Variants in TRAPPC9 observed in about 807,000 individuals in gnomAD.
TRAPPC9 encodes trafficking protein particle complex subunit 9.
In TRAPPC9, 83 loss-of-function variants were observed where a neutral mutation model predicts 124.0. The observed-to-expected ratio is 0.67, with a 90% confidence interval of 0.56 to 0.80. TRAPPC9 has a LOEUF of 0.80. Among genes scored for constraint, TRAPPC9 ranks in the 30% least tolerant of loss-of-function variants. The probability of loss-of-function intolerance (pLI) is 0.00; values close to 1 mark genes in which losing one functional copy is unlikely to be tolerated. For synonymous variants in TRAPPC9, 638 were observed against 617.5 expected, an observed-to-expected ratio of 1.03 and a Z score of -0.49; for missense variants, 1,302 against 1,508.3, an observed-to-expected ratio of 0.86 and a Z score of 2.27.
At chr8:140,222,298 G>GT (rs1320321624) in intron 16 of TRAPPC9, among the ~76,000 whole-genome samples, 9 of 152,240 alleles carry the variant, frequency 5.9e-5, no homozygotes, top group East Asian at 1.9e-4. Flanking sequence ...TGCCATCTGG[G>GT]TTTTTTTCTT....
intron 17 of TRAPPC9, among the ~76,000 whole-genome samples, chr8:140,158,544 T>C (rs761970951): frequency 3.3e-5 from 5 of 152,228 alleles, no homozygotes; most frequent in Admixed American, 6.5e-5. Flanking sequence ...GATAACAAAT[T>C]TGTGTTGTTT....
At chr8:140,428,485 T>C (rs969955294) in intron 4 of TRAPPC9, among the ~76,000 whole-genome samples, 18 of 152,286 alleles carry the variant, frequency 1.2e-4, no homozygotes, top group African/African-American at 4.3e-4. Context: ...ACACACCAAA[T>C]GCTGGTTTCT....
intron 19 of TRAPPC9, chr8:139,916,638 T>A (rs1832152893): frequency 6.6e-6 from 1 of 152,268 alleles, no homozygotes; most frequent in South Asian, 2.1e-4. Context: ...ATTTTCATGT[T>A]TAATTTTATG....
intron 17 of TRAPPC9, among the ~76,000 whole-genome samples, chr8:140,036,383 C>T (rs1207501576): frequency 6.6e-6 from 1 of 152,048 alleles, no homozygotes; most frequent in African/African-American, 2.4e-5. Context: ...GGTCAGGCTC[C>T]GCACACGTGC....
chr8:139,856,708 C>T (rs1258265520), intron 21 of TRAPPC9, among the ~76,000 whole-genome samples: 4 of 149,816 alleles, frequency 2.7e-5, no homozygotes, highest in Non-Finnish European at 5.9e-5. Flanking sequence ...CTGTTAATTT[C>T]CTCCCATGTC....
At chr8:140,014,602 G>T (rs1839346362) in intron 18 of TRAPPC9, among the ~76,000 whole-genome samples, 1 of 152,126 alleles carries the variant, frequency 6.6e-6, no homozygotes, top group Non-Finnish European at 1.5e-5. Context: ...CCAAGCTGCG[G>T]CAGAGAAACA....
intron 20 of TRAPPC9, 88 bp downstream of exon 20, chr8:139,910,059 A>G: frequency 6.8e-7 from 1 of 1,479,934 alleles, no homozygotes; most frequent in Non-Finnish European, 9.2e-7. Context: ...TGAAAATTCA[A>G]TAGCTAAGAC....
chr8:140,031,688 A>G (rs1394318734), intron 17 of TRAPPC9, among the ~76,000 whole-genome samples: 1 of 152,240 alleles, frequency 6.6e-6, no homozygotes, highest in African/African-American at 2.4e-5. Context: ...TTTCCAGTTA[A>G]TTAGCACTTT....
intron 21 of TRAPPC9, among the ~76,000 whole-genome samples, chr8:139,768,032 A>G (rs1820699922): frequency 6.6e-6 from 1 of 152,220 alleles, no homozygotes; most frequent in Admixed American, 6.5e-5. Flanking sequence ...CATTATTAAT[A>G]TGGCCAGATT....
At chr8:139,861,917 GAAA>G (rs1828189767) in intron 21 of TRAPPC9, among the ~76,000 whole-genome samples, 1 of 151,750 alleles carries the variant, frequency 6.6e-6, no homozygotes, top group Non-Finnish European at 1.5e-5. Flanking sequence ...CACCTCCCTG[GAAA>G]GGGGAAAGAT....
At position 140,397,750 on chromosome 8, in the gene TRAPPC9, AG is replaced by A. The variant is rs769098591; in HGVS notation, c.1009-6del. On this transcript the variant is annotated splice_polypyrimidine_tract_variant and splice_region_variant and intron_variant, in intron 6 of 22. Transcript: ENST00000438773. Reference sequence around the variant, plus strand: ...AATCACTCCCGCATTCTTATACTGCAGGGTGTAAAGGAAATGCCTCAGTCAA... The same window carrying A: ...AATCACTCCCGCATTCTTATACTGCAGGTGTAAAGGAAATGCCTCAGTCAA... 6.8e-6 allele frequency: 11 copies of A among 1,614,024 alleles called. No individual in the cohort carries two copies. The South Asian group carries it at 1.1e-4, about 16-fold the overall frequency.
intron 17 of TRAPPC9, among the ~76,000 whole-genome samples, chr8:140,133,921 C>T (rs1004797252): frequency 2.0e-5 from 3 of 149,766 alleles, no homozygotes; most frequent in African/African-American, 7.3e-5. Flanking sequence ...AAATGGCAGA[C>T]ATCCCACGTT....
At chr8:140,276,832 T>C (rs2065138678) in intron 14 of TRAPPC9, among the ~76,000 whole-genome samples, 1 of 152,154 alleles carries the variant, frequency 6.6e-6, no homozygotes, top group Non-Finnish European at 1.5e-5. Flanking sequence ...CATGTTCTCC[T>C]GGGGCCTGAA....
chr8:139,789,385 G>A (rs1011886436), intron 21 of TRAPPC9, among the ~76,000 whole-genome samples: 7 of 152,212 alleles, frequency 4.6e-5, no homozygotes, highest in Admixed American at 2.6e-4. Context: ...GGGTGTGCAC[G>A]CTGCCCCTCG....
At chr8:140,275,148 C>G (rs73714848) in intron 15 of TRAPPC9, among the ~76,000 whole-genome samples, 8,541 of 152,196 alleles carry the variant, frequency 0.056, 348 homozygotes, top group African/African-American at 0.1. Flanking sequence ...TACTACCCCC[C>G]CTATTTATCC....
At chr8:140,375,025 T>A (rs2068395533) in intron 7 of TRAPPC9, among the ~76,000 whole-genome samples, 1 of 152,166 alleles carries the variant, frequency 6.6e-6, no homozygotes, top group African/African-American at 2.4e-5. Flanking sequence ...GCGCAACTGC[T>A]TTTGGGCACT....
chr8:140,099,477 C>T (rs35257944), intron 17 of TRAPPC9: 7,825 of 150,616 alleles, frequency 0.052, 283 homozygotes, highest in Non-Finnish European at 0.082. Context: ...CAGGGGACGA[C>T]GCACAGCTAG....
chr8:140,330,258 T>C (rs1438224414), intron 9 of TRAPPC9, among the ~76,000 whole-genome samples: 2 of 152,108 alleles, frequency 1.3e-5, no homozygotes, highest in East Asian at 3.9e-4. Context: ...TTCTTCATTC[T>C]GCATATACAT....
chr8:140,106,362 C>G (rs891717523), intron 17 of TRAPPC9, among the ~76,000 whole-genome samples: 1 of 152,198 alleles, frequency 6.6e-6, no homozygotes, highest in Non-Finnish European at 1.5e-5. Flanking sequence ...AAGAATTTCC[C>G]AACTGTCAGT....
Sources: allele counts gnomAD v4.1 joint callset (sites outside exome capture counted in the v4.1 genomes callset), GRCh38; gene constraint gnomAD v4.1.1; transcripts MANE v1.5; gene names NCBI Gene and HGNC (gene_info 2026-07-23, HGNC 2026-07-21).